Variants in SPIDR observed in about 807,000 individuals in gnomAD.
The protein encoded by SPIDR is DNA repair-scaffolding protein.
In SPIDR, 93 loss-of-function variants were observed where a neutral mutation model predicts 104.6. The ratio of observed to expected loss-of-function variants is 0.89; its 90% CI spans 0.75 to 1.06. SPIDR has a LOEUF of 1.06. SPIDR is among the 50% of genes least tolerant of loss of function. The pLI is 0.00. For synonymous variants in SPIDR, 431 were observed against 416.9 expected (o/e 1.03, Z -0.41); for missense variants, 1,154 against 1,111.2 (o/e 1.04, Z -0.55).
intron 5 of SPIDR, among the ~76,000 whole-genome samples, chr8:47,390,734 A>G (rs1554651302): frequency 6.6e-6 from 1 of 152,104 alleles, no homozygotes; most frequent in Non-Finnish European, 1.5e-5. Flanking sequence ...GTATCTTAAA[A>G]TATTTCTCAA....
At position 47,536,469 on chromosome 8, in the gene SPIDR, C is replaced by G. The variant is rs2086937173; in HGVS notation, c.1098-59342C>G. Among the ~76,000 whole-genome samples, 3 of 152,052 alleles carry G rather than the reference C, an allele frequency of 2.0e-5. No individual in the cohort carries two copies. The South Asian group carries it at 6.2e-4, about 31-fold the overall frequency. On this transcript the variant is annotated intron_variant, in intron 8 of 19. Coordinates refer to ENST00000297423, the MANE Select transcript of SPIDR (RefSeq NM_001080394.4). Reference sequence around the variant, plus strand: ...AACAAAATATAGAACAAGAAATTGACATAAATATAGTCAACTGATCTTTGA... The same window carrying G: ...AACAAAATATAGAACAAGAAATTGAGATAAATATAGTCAACTGATCTTTGA...
intron 19 of SPIDR, among the ~76,000 whole-genome samples, chr8:47,730,121 C>CT (rs1035716329): frequency 1.5e-4 from 22 of 150,778 alleles, no homozygotes; most frequent in African/African-American, 5.1e-4. Context: ...TTTTTTTTTT[C>CT]TTTTTTTAAA....
intron 8 of SPIDR, among the ~76,000 whole-genome samples, chr8:47,464,123 C>G (rs1320811489): frequency 7.8e-6 from 1 of 127,442 alleles, no homozygotes; most frequent in Non-Finnish European, 1.5e-5. Context: ...TACACACACA[C>G]ACACACACAC....
intron 8 of SPIDR, among the ~76,000 whole-genome samples, chr8:47,550,497 G>T (rs975902620): frequency 2.0e-5 from 3 of 152,106 alleles, no homozygotes; most frequent in African/African-American, 7.2e-5. Flanking sequence ...TAGTAAGTTG[G>T]ATTCCTAGGT....
chr8:47,285,983 A>G (rs1451019084), intron 3 of SPIDR, among the ~76,000 whole-genome samples: 1 of 152,182 alleles, frequency 6.6e-6, no homozygotes, highest in Non-Finnish European at 1.5e-5. Context: ...AGCAAGTGAA[A>G]TGAGTTACTA....
chr8:47,516,626 A>G (rs1420319953), intron 8 of SPIDR, among the ~76,000 whole-genome samples: 1 of 152,196 alleles, frequency 6.6e-6, no homozygotes, highest in East Asian at 1.9e-4. Flanking sequence ...AGGCTGAATA[A>G]TATTCTATTG....
At chr8:47,376,310 G>A (rs192171663) in intron 5 of SPIDR, among the ~76,000 whole-genome samples, 1 of 152,294 alleles carries the variant, frequency 6.6e-6, no homozygotes, top group East Asian at 1.9e-4. Context: ...CCCCAGTGTG[G>A]AAGGAACTGA....
At position 47,284,043 on chromosome 8, in the gene SPIDR, G is replaced by GAGAAGACGATTACAGAAA; in HGVS notation, c.208_225dup (p.Lys70_Lys75dup). 6.2e-7 allele frequency: 1 copy of GAGAAGACGATTACAGAAA among 1,611,286 alleles called. No individual in the cohort carries two copies. Among genetic ancestry groups the GAGAAGACGATTACAGAAA allele is most frequent in the Middle Eastern group, 1.7e-4 (1 of 6,042 alleles). On this transcript the variant is annotated inframe_insertion, in exon 3 of 20. Coordinates refer to ENST00000297423, the MANE Select transcript of SPIDR (RefSeq NM_001080394.4). ...TTGCCTACAGTCATTAACAGCTGAA[G>GAGAAGACGATTACAGAAA]AGAAGACGATTACAGAAAAGCACCT...
chr8:47,558,850 C>T (rs570889807), intron 8 of SPIDR, among the ~76,000 whole-genome samples: 8 of 152,240 alleles, frequency 5.3e-5, no homozygotes, highest in South Asian at 2.1e-4. Flanking sequence ...CTGTGTTAGC[C>T]GGGATGAGTG....
chr8:47,455,555 G>A (rs1330291260), intron 8 of SPIDR, among the ~76,000 whole-genome samples: 7 of 152,064 alleles, frequency 4.6e-5, no homozygotes, highest in African/African-American at 4.8e-5. Context: ...TGAATGAAAT[G>A]CAGTTCTTAA....
intron 8 of SPIDR, among the ~76,000 whole-genome samples, chr8:47,500,051 G>A (rs1362043983): frequency 4.6e-5 from 7 of 152,006 alleles, no homozygotes; most frequent in East Asian, 1.9e-4. Context: ...ATTGATGGAC[G>A]TTTGGGTTGG....
At chr8:47,383,336 A>G (rs1554646539) in intron 5 of SPIDR, among the ~76,000 whole-genome samples, 2 of 152,134 alleles carry the variant, frequency 1.3e-5, no homozygotes, top group Non-Finnish European at 1.5e-5. Context: ...CTAGTATATC[A>G]CTTGAACCAA....
At chr8:47,297,362 G>A (rs983640157) in intron 5 of SPIDR, among the ~76,000 whole-genome samples, 21 of 152,060 alleles carry the variant, frequency 1.4e-4, no homozygotes, top group Non-Finnish European at 2.9e-4. Flanking sequence ...GGCCTTTATT[G>A]TGTATAAACA....
intron 8 of SPIDR, among the ~76,000 whole-genome samples, chr8:47,536,445 A>G (rs1018825365): frequency 2.0e-5 from 3 of 152,194 alleles, no homozygotes; most frequent in Non-Finnish European, 2.9e-5. Flanking sequence ...GGTCAATGGA[A>G]CAAAATATAG....
At chr8:47,728,711 C>G in intron 17 of SPIDR, 1 of 443,942 alleles carries the variant, frequency 2.3e-6, no homozygotes, top group East Asian at 4.4e-5. Flanking sequence ...CTCCCCTCTT[C>G]GGCCTCCAGC....
chr8:47,475,322 G>A (rs531138261), intron 8 of SPIDR, among the ~76,000 whole-genome samples: 116 of 152,272 alleles, frequency 7.6e-4, no homozygotes, highest in Non-Finnish European at 1.4e-3. Flanking sequence ...GAGCATGCTC[G>A]GATTGGAGTG....
intron 8 of SPIDR, among the ~76,000 whole-genome samples, chr8:47,456,798 C>T (rs1006366962): frequency 6.6e-6 from 1 of 152,100 alleles, no homozygotes. Flanking sequence ...CTGTATCATT[C>T]TTACGCCTTT....
At chr8:47,606,996 C>T (rs1046345149) in intron 10 of SPIDR, among the ~76,000 whole-genome samples, 3 of 152,180 alleles carry the variant, frequency 2.0e-5, no homozygotes, top group Non-Finnish European at 4.4e-5. Context: ...ACCTGCTTTT[C>T]TTTTATGTAC....
At chr8:47,643,178 T>TG (rs1349904375) in intron 10 of SPIDR, among the ~76,000 whole-genome samples, 2 of 152,122 alleles carry the variant, frequency 1.3e-5, no homozygotes, top group Non-Finnish European at 2.9e-5. Context: ...TACACAACTG[T>TG]GGGATGCTTT....
Sources: allele counts gnomAD v4.1 joint callset (sites outside exome capture counted in the v4.1 genomes callset), GRCh38; gene constraint gnomAD v4.1.1; transcripts MANE v1.5; gene names NCBI Gene and HGNC (gene_info 2026-07-23, HGNC 2026-07-21).